Variants in CCDC18 observed in about 807,000 individuals in gnomAD.
CCDC18 encodes coiled-coil domain-containing protein 18.
Under a neutral mutation model 196.0 loss-of-function variants are expected in CCDC18, and 157 were observed. That is an observed-to-expected ratio of 0.80 (90% CI 0.70 to 0.91). The LOEUF is 0.91. Among genes scored for constraint, CCDC18 ranks in the 40% least tolerant of loss-of-function variants. The pLI, the probability that CCDC18 is intolerant of heterozygous loss-of-function variation, is 0.00. For missense variants in CCDC18, 1,465 were observed against 1,611.6 expected (o/e 0.91, Z 1.56); for synonymous variants, 482 against 529.2 (o/e 0.91, Z 1.22).
At chr1:93,200,135 C>G (rs185960965) in intron 6 of CCDC18, among the ~76,000 whole-genome samples, 4 of 152,012 alleles carry the variant, frequency 2.6e-5, no homozygotes, top group Non-Finnish European at 5.9e-5. Context: ...CAGGTGTGCA[C>G]CACCATGCCC....
At chr1:93,216,979 G>A (rs1656599656) in intron 13 of CCDC18, among the ~76,000 whole-genome samples, 2 of 140,244 alleles carry the variant, frequency 1.4e-5, no homozygotes, top group African/African-American at 5.7e-5. Flanking sequence ...CCGTCGCCCA[G>A]GCTGGAGTGC....
upstream of CCDC18, chr1:93,180,627 G>T (rs769552349): frequency 7.5e-7 from 1 of 1,338,352 alleles, no homozygotes; most frequent in Non-Finnish European, 9.8e-7. Context: ...CGCCGACCAC[G>T]ATCCCCGGCA....
chr1:93,244,294 G>A (rs1661210008), intron 21 of CCDC18, among the ~76,000 whole-genome samples: 1 of 152,030 alleles, frequency 6.6e-6, no homozygotes, highest in Non-Finnish European at 1.5e-5. Context: ...CCTCCCACTG[G>A]GTTTCTCCTA....
intron 4 of CCDC18, among the ~76,000 whole-genome samples, chr1:93,187,047 A>G (rs532031066): frequency 3.3e-5 from 5 of 152,128 alleles, no homozygotes; most frequent in Admixed American, 2.6e-4. Flanking sequence ...ATGTGATTAT[A>G]TCATAATTTA....
At chr1:93,195,653 T>G (rs1286449489) in intron 6 of CCDC18, among the ~76,000 whole-genome samples, 1 of 152,152 alleles carries the variant, frequency 6.6e-6, no homozygotes, top group Admixed American at 6.5e-5. Context: ...AGAGGGAGTT[T>G]GTTCCTTTTT....
intron 19 of CCDC18, among the ~76,000 whole-genome samples, chr1:93,238,908 T>C (rs920694925): frequency 6.6e-6 from 1 of 152,182 alleles, no homozygotes; most frequent in Admixed American, 6.5e-5. Flanking sequence ...GTAAAAGCAA[T>C]TGACTTGGCT....
intron 18 of CCDC18, among the ~76,000 whole-genome samples, chr1:93,233,706 C>A (rs1206040764): frequency 6.6e-6 from 1 of 152,174 alleles, no homozygotes; most frequent in Non-Finnish European, 1.5e-5. Flanking sequence ...TCAAGCGATT[C>A]TCCCACCTCA....
At chr1:93,238,965 G>A (rs1158457826) in intron 19 of CCDC18, among the ~76,000 whole-genome samples, 1 of 152,134 alleles carries the variant, frequency 6.6e-6, no homozygotes, top group Non-Finnish European at 1.5e-5. Flanking sequence ...TGATTGTTTG[G>A]CTTATTTATT....
At chr1:93,212,391 G>C (rs1655799739) in intron 11 of CCDC18, 130 bp downstream of exon 11, 1 of 508,068 alleles carries the variant, frequency 2.0e-6, no homozygotes, top group African/African-American at 2.0e-5. Context: ...TTGTTACATA[G>C]GTAAGCTTGT....
intron 6 of CCDC18, 143 bp downstream of exon 6, chr1:93,193,887 ATT>A: frequency 1.8e-6 from 1 of 547,720 alleles, no homozygotes; most frequent in Non-Finnish European, 3.0e-6. Context: ...TTATCTATTA[ATT>A]TTTTTAAATT....
intron 4 of CCDC18, chr1:93,191,061 G>A (rs1651679451): frequency 1.3e-6 from 1 of 740,990 alleles, no homozygotes; most frequent in Non-Finnish European, 2.3e-6. Flanking sequence ...TGTTCACCAT[G>A]TTTGCGGGAG....
At chr1:93,260,379 C>T (rs975403957) in intron 26 of CCDC18, among the ~76,000 whole-genome samples, 10 of 151,532 alleles carry the variant, frequency 6.6e-5, no homozygotes, top group South Asian at 2.1e-4. Context: ...AGTGAAACTC[C>T]GTCTCAAAAA....
intron 26 of CCDC18, among the ~76,000 whole-genome samples, chr1:93,259,660 T>C (rs1029891288): frequency 6.6e-6 from 1 of 152,174 alleles, no homozygotes; most frequent in Admixed American, 6.6e-5. Flanking sequence ...TTTGAAAGCA[T>C]TGTGCCTGCC....
intron 4 of CCDC18, among the ~76,000 whole-genome samples, chr1:93,189,221 G>A (rs1243283716): frequency 6.6e-6 from 1 of 152,150 alleles, no homozygotes; most frequent in Non-Finnish European, 1.5e-5. Flanking sequence ...GTAAGAACAT[G>A]TGATATTTGT....
chr1:93,231,363 T>A (rs906635380), intron 17 of CCDC18, among the ~76,000 whole-genome samples: 60 of 152,168 alleles, frequency 3.9e-4, no homozygotes, highest in Non-Finnish European at 8.1e-4. Flanking sequence ...TTCATTTTTC[T>A]GTTTGCATGT....
intron 27 of CCDC18, among the ~76,000 whole-genome samples, chr1:93,269,531 T>G (rs1204199878): frequency 6.6e-6 from 1 of 152,000 alleles, no homozygotes; most frequent in African/African-American, 2.4e-5. Context: ...ATTCTGTGGT[T>G]ATGACAGTTT....
At chr1:93,230,798 A>C (rs185368212) in intron 17 of CCDC18, among the ~76,000 whole-genome samples, 2 of 152,212 alleles carry the variant, frequency 1.3e-5, no homozygotes, top group African/African-American at 4.8e-5. Flanking sequence ...CAATAAAGAA[A>C]AAAAGAGTAT....
chr1:93,201,954 A>G lies in CCDC18; in HGVS notation c.761A>G (p.Gln254Arg), dbSNP rs1213535065. Residue 254 changes from glutamine (Q) to arginine (R), a missense_variant, in exon 7 of 29, where the codon CAA (glutamine) becomes CGA (arginine). By Grantham distance (43) the Gln-to-Arg change is conservative (BLOSUM62 1). Transcript: ENST00000690025. The part of the protein sequence containing the change: ...NAEELSKAFQ[Q>R]YKKKVAEKLE... ...GAAGAGCTGAGTAAAGCTTTCCAACAATATAAAAAAAAAGTGGCTGAAAAA... is the reference window on the plus strand; with the variant it reads ...GAAGAGCTGAGTAAAGCTTTCCAACGATATAAAAAAAAAGTGGCTGAAAAA... 6.2e-7 allele frequency: 1 copy of G among 1,610,408 alleles called. No individual in the cohort carries two copies. Among genetic ancestry groups the G allele is most frequent in the African/African-American group, 1.3e-5 (1 of 74,738 alleles).
Position 93,278,670 on chromosome 1 carries a change from T to C in CCDC18, c.*193T>C. 3.0e-6 allele frequency: 1 copy of C among 328,026 alleles called. No individual in the cohort carries two copies. The highest frequency in any genetic ancestry group is 5.4e-6 in the Non-Finnish European group (1 of 184,864). The allele number at this position is 328,026 out of a possible 1,614,324, so 20.3% of individuals were successfully genotyped here. A position where few individuals can be genotyped will look rare whatever the true frequency, so the allele number is the denominator to read the frequency against. ...GAAAATTTATTATTTTATTTATTGT[T>C]TTTTGGCTTAAACTTGCTGCTTTCT... On this transcript the variant is annotated 3_prime_UTR_variant, in exon 29 of 29. Coordinates refer to ENST00000690025, the MANE Select transcript of CCDC18 (RefSeq NM_001378204.1).
Sources: gnomAD v4.1 joint callset for allele counts (sites outside exome capture counted in the v4.1 genomes callset) on GRCh38, gnomAD v4.1.1 for gene constraint, MANE v1.5 for transcripts, NCBI Gene and HGNC (gene_info 2026-07-23, HGNC 2026-07-21) for gene names.